DCAF10: variants seen among roughly 807,000 people sequenced by gnomAD.
DCAF10 encodes the protein DDB1 and CUL4 associated factor 10, also known as DDB1- and CUL4-associated factor 10.
A neutral mutation model predicts 51.9 loss-of-function variants in DCAF10; 19 were observed. That is an observed-to-expected ratio of 0.37 (90% CI 0.26 to 0.54). The LOEUF (loss-of-function observed/expected upper bound fraction) is 0.54. Among genes scored for constraint, DCAF10 ranks in the 20% least tolerant of loss-of-function variants. The pLI, the probability that DCAF10 is intolerant of heterozygous loss-of-function variation, is 0.87. For missense variants in DCAF10, 510 were observed against 730.6 expected (o/e 0.70, Z 3.48); for synonymous variants, 291 against 297.1 (o/e 0.98, Z 0.21).
At chr9:37,850,045 TG>T (rs1830589043) in intron 3 of DCAF10, among the ~76,000 whole-genome samples, 1 of 152,156 alleles carries the variant, frequency 6.6e-6, no homozygotes, top group Non-Finnish European at 1.5e-5. Flanking sequence ...GGCAAGAGAT[TG>T]ACACCCTGTC....
intron 3 of DCAF10, among the ~76,000 whole-genome samples, chr9:37,850,878 ATAT>A (rs1564048952): frequency 1.1e-3 from 99 of 94,026 alleles, no homozygotes; most frequent in Middle Eastern, 5.4e-3. Flanking sequence ...ATATATATAT[ATAT>A]AAATTAGCTT....
chr9:37,808,814 G>A (rs1248927528), intron 1 of DCAF10, among the ~76,000 whole-genome samples: 1 of 34,030 alleles, frequency 2.9e-5, no homozygotes, highest in African/African-American at 9.9e-5. Context: ...CAAGAGACAA[G>A]TATAATTAAA....
In DCAF10 at chr9:37,861,865, G is replaced by C. The variant is rs1587137776; in HGVS notation, c.*357G>C. On this transcript the variant is annotated 3_prime_UTR_variant, in exon 7 of 7. Coordinates refer to ENST00000377724, the MANE Select transcript of DCAF10 (RefSeq NM_024345.5). The surrounding 1 kb of genome is among the most constrained non-coding windows in gnomAD (Gnocchi z 4.9). ...GTCCCTCTCTTTCTTTGTGTTTGTTGATTTTGGTGTCAATTTTGTGGACAT... is the reference window on the plus strand; with the variant it reads ...GTCCCTCTCTTTCTTTGTGTTTGTTCATTTTGGTGTCAATTTTGTGGACAT... 1 of 183,450 alleles carries C rather than the reference G, an allele frequency of 5.5e-6. No homozygotes were observed. Among genetic ancestry groups the C allele is most frequent in the East Asian group, 1.3e-4 (1 of 7,654 alleles). 11.4% of individuals were successfully genotyped at this position (183,450 alleles called of 1,614,324 possible).
intron 1 of DCAF10, among the ~76,000 whole-genome samples, chr9:37,809,258 TTAG>T (rs1431306883): frequency 2.6e-5 from 4 of 152,070 alleles, no homozygotes; most frequent in Admixed American, 2.0e-4. Context: ...AAAGCTGTAC[TTAG>T]TAGGAAAATT....
rs2841949 is a variant in DCAF10, at chr9:37,829,582, C to G, written c.653+10181C>G. 1 allele frequency among the ~76,000 whole-genome samples: 152,386 copies of G among 152,386 alleles called. 76,193 individuals are homozygous for G. The highest frequency in any genetic ancestry group is 1 in the Non-Finnish European group (68,048 of 68,048). The stretch of plus-strand genomic sequence containing the variant: ...CCAAGTATTGGCAGAAAAATACTTG[C>G]TATTTCTCTCGGCAGCGAAACGTTG... On this transcript the variant is annotated intron_variant, in intron 2 of 6. Transcript: ENST00000377724. The surrounding 1 kb of genome is among the most constrained non-coding windows in gnomAD (Gnocchi z 4.2).
intron 2 of DCAF10, chr9:37,835,898 T>G: frequency 8.6e-7 from 1 of 1,164,056 alleles, no homozygotes; most frequent in Non-Finnish European, 1.3e-6. Flanking sequence ...ACGTGTAGGT[T>G]TGAAAACTGT....
Position 37,800,918 on chromosome 9 carries a change from G to T in DCAF10, c.52G>T (p.Gly18Trp). ...TGGAGGGGACGGATCGGCCGGAGCC[G>T]GGGCTGAGGAGCCGACGCCCCACGA... ...SPGGDGSAGA[G>W]AEEPTPHEGQ... is the part of the protein sequence containing the mutation. The change falls in exon 1 of 7, where the codon GGG (glycine) becomes TGG (tryptophan). Residue 18 changes from glycine to tryptophan, a missense_variant. Physicochemically the swap from Gly to Trp is radical, Grantham distance 184. Coordinates refer to ENST00000377724, the MANE Select transcript of DCAF10 (RefSeq NM_024345.5). 1 of 1,495,238 alleles carries T rather than the reference G, an allele frequency of 6.7e-7. No homozygotes were observed. The highest frequency in any genetic ancestry group is 1.3e-5 in the South Asian group (1 of 77,832). 92.6% of individuals were successfully genotyped at this position (1,495,238 alleles called of 1,614,324 possible).
intron 2 of DCAF10, among the ~76,000 whole-genome samples, chr9:37,834,491 C>T (rs1206917216): frequency 1.3e-5 from 2 of 151,986 alleles, no homozygotes; most frequent in Admixed American, 1.3e-4. Context: ...AGCTAATCCC[C>T]CTATTTTTTA....
At chr9:37,831,166 G>A (rs760766345) in intron 2 of DCAF10, among the ~76,000 whole-genome samples, 4 of 152,160 alleles carry the variant, frequency 2.6e-5, no homozygotes, top group East Asian at 1.9e-4. Context: ...GCAGTGAGCC[G>A]AGATCGCGCC....
At chr9:37,820,127 T>C (rs565609781) in intron 2 of DCAF10, among the ~76,000 whole-genome samples, 57 of 152,328 alleles carry the variant, frequency 3.7e-4, no homozygotes, top group Admixed American at 1.0e-3. Flanking sequence ...ATTATTACTT[T>C]TAATTTTCTA....
intron 3 of DCAF10, among the ~76,000 whole-genome samples, chr9:37,848,066 T>C (rs951793433): frequency 3.3e-5 from 5 of 152,158 alleles, no homozygotes; most frequent in African/African-American, 1.2e-4. Flanking sequence ...ATAACAAGTA[T>C]TGGCAAGAAT....
chr9:37,809,943 G>A (rs1418187282), intron 1 of DCAF10, among the ~76,000 whole-genome samples: 2 of 152,120 alleles, frequency 1.3e-5, no homozygotes. Flanking sequence ...CTGAGGTCAG[G>A]AGTTTGAGAC....
At chr9:37,836,790 C>A (rs1257207235) in intron 2 of DCAF10, among the ~76,000 whole-genome samples, 2 of 150,812 alleles carry the variant, frequency 1.3e-5, no homozygotes, top group African/African-American at 4.9e-5. Context: ...TTTTAAGATT[C>A]CTAGAAGGAA....
chr9:37,860,997 G>T, intron 6 of DCAF10, 143 bp from the exon 7 acceptor site: 1 of 1,161,288 alleles, frequency 8.6e-7, no homozygotes, highest in Non-Finnish European at 1.2e-6. Context: ...TTTGTTAGTT[G>T]GGAGGGGGAT....
chr9:37,825,904 G>A (rs543789852), intron 2 of DCAF10, among the ~76,000 whole-genome samples: 71 of 151,942 alleles, frequency 4.7e-4, no homozygotes, highest in South Asian at 2.7e-3. Context: ...GCTTGGTGGC[G>A]CGTGCCTGTA....
intron 3 of DCAF10, among the ~76,000 whole-genome samples, chr9:37,845,410 TAGA>T (rs899372765): frequency 8.5e-5 from 13 of 152,078 alleles, no homozygotes; most frequent in African/African-American, 2.9e-4. Flanking sequence ...GACAACAATA[TAGA>T]AGAAGATGAT....
rs948125986 is a variant in DCAF10, at chr9:37,861,179, C to T, written c.1351C>T (p.Arg451Ter). 1.2e-6 allele frequency: 2 copies of T among 1,606,214 alleles called. No homozygotes were observed. The highest frequency in any genetic ancestry group is 1.1e-5 in the South Asian group (1 of 90,990). The stretch of plus-strand genomic sequence containing the variant: ...TGAATTCCAAGAAGGAGCTCCAGTG[C>T]GACCTGTCTCACCTCGCTGTTCTCT... ...VYEFQEGAPV[R>*]PVSPRCSLRL... Residue 451 changes from arginine to a stop codon, truncating the protein, a stop_gained, in exon 7 of 7, where the codon CGA (arginine) becomes TGA (stop). Coordinates refer to ENST00000377724, the MANE Select transcript of DCAF10 (RefSeq NM_024345.5). LOFTEE classifies it high-confidence loss of function. This position sits in a 1 kb window ranked among gnomAD's most constrained non-coding sequence, Gnocchi z 4.9.
intron 1 of DCAF10, among the ~76,000 whole-genome samples, chr9:37,818,297 A>T (rs1245153766): frequency 1.3e-5 from 2 of 152,150 alleles, no homozygotes; most frequent in African/African-American, 4.8e-5. Flanking sequence ...CCCGGCCAAG[A>T]TTTCAACTTA....
intron 1 of DCAF10, among the ~76,000 whole-genome samples, chr9:37,805,540 GATA>G (rs1829088118): frequency 6.6e-6 from 1 of 151,958 alleles, no homozygotes; most frequent in African/African-American, 2.4e-5. Flanking sequence ...TATTTGGGGG[GATA>G]ATAATATATG....
Sources: allele counts gnomAD v4.1 joint callset (sites outside exome capture counted in the v4.1 genomes callset), GRCh38; gene constraint gnomAD v4.1.1; non-coding constraint Gnocchi (gnomAD v3.1); transcripts MANE v1.5; gene names NCBI Gene and HGNC (gene_info 2026-07-23, HGNC 2026-07-21).